Variants in CLEC16A observed in about 807,000 individuals in gnomAD.
CLEC16A encodes protein CLEC16A.
In CLEC16A, 51 loss-of-function variants were observed where a neutral mutation model predicts 109.5. That is an observed-to-expected ratio of 0.47 (90% confidence interval 0.37 to 0.59). CLEC16A has a LOEUF of 0.59. CLEC16A is among the 20% of genes least tolerant of loss of function. CLEC16A has a pLI of 0.00. For synonymous variants in CLEC16A, 673 were observed against 564.2 expected (o/e 1.19, Z -2.73); for missense variants, 1,339 against 1,394.0 (o/e 0.96, Z 0.63).
At chr16:11,148,149 A>G (rs139926070) in intron 22 of CLEC16A, among the ~76,000 whole-genome samples, 26 of 152,340 alleles carry the variant, frequency 1.7e-4, no homozygotes, top group Admixed American at 4.6e-4. Flanking sequence ...TGCTGTGAAC[A>G]TTAGAAGTGC....
intron 13 of CLEC16A, among the ~76,000 whole-genome samples, chr16:11,037,080 G>A (rs915678139): frequency 3.9e-5 from 6 of 152,198 alleles, no homozygotes; most frequent in Admixed American, 3.9e-4. Context: ...GGAAACTGAG[G>A]TTCAAAGAGG....
chr16:11,019,380 A>C (rs775100299), intron 11 of CLEC16A, among the ~76,000 whole-genome samples: 6 of 152,192 alleles, frequency 3.9e-5, no homozygotes, highest in African/African-American at 1.4e-4. Flanking sequence ...GGGGAGAAAA[A>C]ATGAGGTTCC....
chr16:11,122,629 C>G (rs2052507919), intron 20 of CLEC16A, among the ~76,000 whole-genome samples: 1 of 152,160 alleles, frequency 6.6e-6, no homozygotes, highest in African/African-American at 2.4e-5. Flanking sequence ...AATGTAGTGC[C>G]TGAGAACCAC....
At chr16:11,170,364 G>T (rs530654534) in intron 23 of CLEC16A, among the ~76,000 whole-genome samples, 1 of 152,242 alleles carries the variant, frequency 6.6e-6, no homozygotes, top group African/African-American at 2.4e-5. Context: ...GGGAGCCCAC[G>T]TGGGTTCATC....
At chr16:10,958,424 G>C (rs150790799) in intron 2 of CLEC16A, among the ~76,000 whole-genome samples, 103 of 152,256 alleles carry the variant, frequency 6.8e-4, no homozygotes, top group Non-Finnish European at 1.3e-3. Flanking sequence ...GACACACCCA[G>C]AATCAGTGAG....
chr16:11,126,561 G>C, intron 22 of CLEC16A: 1 of 511,790 alleles, frequency 2.0e-6, no homozygotes, highest in Non-Finnish European at 3.2e-6. Flanking sequence ...AAAGAAGGCC[G>C]TGCTGCCCAC....
intron 20 of CLEC16A, among the ~76,000 whole-genome samples, chr16:11,121,513 G>A (rs981533294): frequency 1.3e-5 from 2 of 152,196 alleles, no homozygotes. Context: ...AGCAGAGCTA[G>A]GCTCTAACTT....
chr16:11,129,618 G>T (rs2053057122), intron 22 of CLEC16A, among the ~76,000 whole-genome samples: 1 of 152,224 alleles, frequency 6.6e-6, no homozygotes, highest in Admixed American at 6.5e-5. Context: ...CCAGGGCCTT[G>T]CACTGGATGT....
intron 12 of CLEC16A, among the ~76,000 whole-genome samples, chr16:11,022,725 C>G (rs1056224543): frequency 6.6e-6 from 1 of 151,690 alleles, no homozygotes; most frequent in African/African-American, 2.4e-5. Context: ...CGGTGAAACC[C>G]CGTCTCTACT....
At chr16:10,969,112 A>G in intron 3 of CLEC16A, 49 bp from the exon 4 acceptor site, 1 of 1,529,576 alleles carries the variant, frequency 6.5e-7, no homozygotes, top group South Asian at 1.2e-5. Context: ...TACCTGGCTT[A>G]TCTTTCCTCC....
At chr16:11,112,808 C>T (rs1388451804) in intron 19 of CLEC16A, among the ~76,000 whole-genome samples, 4 of 152,204 alleles carry the variant, frequency 2.6e-5, no homozygotes, top group Admixed American at 2.0e-4. Context: ...GGAGGCATGC[C>T]ATACCTTCAG....
intron 11 of CLEC16A, among the ~76,000 whole-genome samples, chr16:11,004,500 C>T (rs1296721829): frequency 4.6e-5 from 7 of 152,276 alleles, no homozygotes; most frequent in Middle Eastern, 3.4e-3. Flanking sequence ...GCCTTGGGCT[C>T]ACAGTGGCTG....
chr16:11,069,288 C>T lies in CLEC16A; in HGVS notation c.2116+8266C>T, dbSNP rs115861109. Among the ~76,000 whole-genome samples, 501 of 152,156 alleles carry T rather than the reference C, an allele frequency of 3.3e-3. 7 individuals are homozygous for T. Among genetic ancestry groups the T allele is most frequent in the African/African-American group, 0.011 (471 of 41,510 alleles). ...GACTACAGGCATGCACCACCACACC[C>T]GGCTGAGATTTTGTATATTTTGTAG... On this transcript the variant is annotated intron_variant, in intron 19 of 23. Transcript: ENST00000409790.
chr16:11,051,865 T>C (rs941801272), intron 18 of CLEC16A, among the ~76,000 whole-genome samples: 3 of 152,244 alleles, frequency 2.0e-5, no homozygotes, highest in African/African-American at 7.2e-5. Flanking sequence ...CACCCAGTGT[T>C]GGCTGCAGAG....
rs201484643 is a variant in CLEC16A, at chr16:11,123,793, A to G, written c.2320A>G (p.Ile774Val). The part of the protein sequence containing the change: ...EDDSRALNIT[I>V]HKPASSPHSK... ...CGACAGCCGTGCCCTGAACATCACCATCCACAAGCCTGCGTCCAGCCCCCA... is the reference window on the plus strand; with the variant it reads ...CGACAGCCGTGCCCTGAACATCACCGTCCACAAGCCTGCGTCCAGCCCCCA... Residue 774 changes from isoleucine to valine, a missense_variant, in exon 21 of 24, where the codon ATC becomes GTC. Transcript: ENST00000409790. 2 of 1,614,002 alleles carry G rather than the reference A, an allele frequency of 1.2e-6. No homozygotes were observed. Among genetic ancestry groups the G allele is most frequent in the Non-Finnish European group, 1.7e-6 (2 of 1,179,890 alleles).
intron 19 of CLEC16A, among the ~76,000 whole-genome samples, chr16:11,102,931 G>A (rs1235024274): frequency 6.6e-6 from 1 of 152,186 alleles, no homozygotes; most frequent in Non-Finnish European, 1.5e-5. Context: ...GCAACAAGCC[G>A]AGGTCCCACA....
At chr16:11,068,184 T>C (rs554991691) in intron 19 of CLEC16A, among the ~76,000 whole-genome samples, 2 of 152,290 alleles carry the variant, frequency 1.3e-5, no homozygotes, top group Admixed American at 6.5e-5. Flanking sequence ...AGTTCCCTCA[T>C]TGATCAAATG....
intron 19 of CLEC16A, among the ~76,000 whole-genome samples, chr16:11,074,959 G>T (rs1446769490): frequency 6.6e-6 from 1 of 152,100 alleles, no homozygotes; most frequent in African/African-American, 2.4e-5. Flanking sequence ...GATTGCTTGA[G>T]CCCAGGAGTT....
At chr16:11,001,802 C>G (rs967131623) in intron 10 of CLEC16A, among the ~76,000 whole-genome samples, 1 of 152,090 alleles carries the variant, frequency 6.6e-6, no homozygotes, top group African/African-American at 2.4e-5. Flanking sequence ...CCACCACACC[C>G]GGCCATCTCT....
Sources: allele counts gnomAD v4.1 joint callset (sites outside exome capture counted in the v4.1 genomes callset), GRCh38; gene constraint gnomAD v4.1.1; transcripts MANE v1.5; gene names NCBI Gene and HGNC (gene_info 2026-07-23, HGNC 2026-07-21).